SEMA4D: variants seen among roughly 807,000 people sequenced by gnomAD.
SEMA4D encodes the protein semaphorin-4D.
In SEMA4D, 22 loss-of-function variants were observed where a neutral mutation model predicts 74.8. The observed-to-expected ratio is 0.29, with a 90% CI of 0.21 to 0.42. The LOEUF (loss-of-function observed/expected upper bound fraction) is 0.42. SEMA4D is among the 10% of genes least tolerant of loss of function. The pLI, the probability that SEMA4D is intolerant of heterozygous loss-of-function variation, is 1.00. For missense variants in SEMA4D, 937 were observed against 1,118.4 expected, an observed-to-expected ratio of 0.84 and a Z score of 2.31; for synonymous variants, 445 against 463.7, an observed-to-expected ratio of 0.96 and a Z score of 0.52.
chr9:89,373,491 T>G (rs907022459), downstream of SEMA4D, among the ~76,000 whole-genome samples: 2 of 152,100 alleles, frequency 1.3e-5, no homozygotes, highest in Non-Finnish European at 2.9e-5. Flanking sequence ...CAGCCCTCTC[T>G]GGGGGGTGAG....
At chr9:89,368,501 C>G (rs1212533212) in intron 16 of SEMA4D, 1 of 152,804 alleles carries the variant, frequency 6.5e-6, no homozygotes, top group African/African-American at 2.4e-5. Flanking sequence ...GGGGACCCTT[C>G]TGGGGACAAG....
chr9:89,383,870 C>T (rs969550430), intron 13 of SEMA4D, among the ~76,000 whole-genome samples: 1 of 152,204 alleles, frequency 6.6e-6, no homozygotes, highest in African/African-American at 2.4e-5. Context: ...CCCCTCGACG[C>T]CCCCTGTCTC....
At position 89,388,987 on chromosome 9, in the gene SEMA4D, G is replaced by A. The variant is rs1489774202; in HGVS notation, c.835C>T (p.Leu279Phe). The A allele has an allele frequency of 2.5e-6, 4 of 1,614,140 alleles. No individual in the cohort carries two copies. The highest frequency in any genetic ancestry group is 4.5e-5 in the East Asian group (2 of 44,880). ...KKWTSFLKAR[L>F]ICSRPDSGLV... ...CCGCTGTCTGGCCGGGAGCAGATGA[G>A]TCGGGCTTTCAGGAAGGAGGTCCAT... The change falls in exon 10 of 16, where the codon CTC (leucine) becomes TTC (phenylalanine). Residue 279 changes from leucine (L) to phenylalanine (F), a missense_variant. Coordinates refer to ENST00000422704, the MANE Select transcript of SEMA4D (RefSeq NM_001371194.2).
chr9:89,383,866 G>C (rs535537180), intron 13 of SEMA4D, among the ~76,000 whole-genome samples: 42 of 152,268 alleles, frequency 2.8e-4, no homozygotes, highest in African/African-American at 1.0e-3. Context: ...CCTGCCCCTC[G>C]ACGCCCCCTG....
In SEMA4D at chr9:89,492,461, G is replaced by C. The variant is rs138468525; in HGVS notation, c.-310+5458C>G. Among the ~76,000 whole-genome samples the C allele has an allele frequency of 8.0e-3, 1,219 of 152,066 alleles. 12 individuals are homozygous for C. The highest frequency in any genetic ancestry group is 0.034 in the Middle Eastern group (10 of 294). ...TAGCTACAATATATTGCCAAGATTA[G>C]GGTCCCAGCTCAGAGCACTCCCCCA... On this transcript the variant is annotated intron_variant, in intron 1 of 15. Transcript: ENST00000422704. The surrounding 1 kb of genome is among the most constrained non-coding windows in gnomAD (Gnocchi z 4.3).
At chr9:89,466,070 G>C (rs898834470) in intron 1 of SEMA4D, among the ~76,000 whole-genome samples, 2 of 152,126 alleles carry the variant, frequency 1.3e-5, no homozygotes, top group South Asian at 4.1e-4. Context: ...GTGAGAAGCC[G>C]AGGTGTCCAA....
chr9:89,371,540 GTGTGTTTGGGGT>G (rs1834805109), intron 16 of SEMA4D, among the ~76,000 whole-genome samples: 1 of 19,988 alleles, frequency 5.0e-5, no homozygotes. Context: ...GTGTGTGGGG[GTGTGTTTGGGGT>G]GTGGTGTGTG....
At chr9:89,439,409 T>C (rs2135040715) in intron 2 of SEMA4D, among the ~76,000 whole-genome samples, 1 of 152,344 alleles carries the variant, frequency 6.6e-6, no homozygotes, top group Non-Finnish European at 1.5e-5. Flanking sequence ...CTCTAAGATC[T>C]AGTGGCTGAG....
At chr9:89,389,769 T>A (rs1839397349) in intron 9 of SEMA4D, among the ~76,000 whole-genome samples, 1 of 152,236 alleles carries the variant, frequency 6.6e-6, no homozygotes, top group Non-Finnish European at 1.5e-5. Context: ...TCCCCCTTCA[T>A]CTCTGCTGTG....
intron 1 of SEMA4D, among the ~76,000 whole-genome samples, chr9:89,490,180 T>A (rs976548044): frequency 3.3e-5 from 5 of 152,224 alleles, no homozygotes; most frequent in African/African-American, 9.6e-5. Flanking sequence ...CATTTACCCA[T>A]GTTTTAACTG....
chr9:89,390,032 T>C (rs1839470332), intron 9 of SEMA4D, among the ~76,000 whole-genome samples: 1 of 152,132 alleles, frequency 6.6e-6, no homozygotes, highest in Non-Finnish European at 1.5e-5. Flanking sequence ...ATGACAGCAG[T>C]GTGCCTAAGA....
At chr9:89,495,844 C>G (rs917264955) in intron 1 of SEMA4D, among the ~76,000 whole-genome samples, 3 of 144,960 alleles carry the variant, frequency 2.1e-5, no homozygotes, top group African/African-American at 7.6e-5. Context: ...GAGGCAGAAG[C>G]CTGAACAGCC....
At chr9:89,478,546 G>A (rs193040673) in intron 1 of SEMA4D, among the ~76,000 whole-genome samples, 4 of 152,286 alleles carry the variant, frequency 2.6e-5, no homozygotes, top group African/African-American at 9.6e-5. Context: ...GCAGCTACCA[G>A]ACATTCATCC....
At chr9:89,366,036 G>A (rs76420571) in intron 16 of SEMA4D, among the ~76,000 whole-genome samples, 2,340 of 152,294 alleles carry the variant, frequency 0.015, 34 homozygotes, top group Middle Eastern at 0.031. Flanking sequence ...AATGAGTCCC[G>A]AGGCAAGGAT....
At chr9:89,473,358 T>G (rs1449753522) in intron 1 of SEMA4D, among the ~76,000 whole-genome samples, 1 of 151,940 alleles carries the variant, frequency 6.6e-6, no homozygotes, top group African/African-American at 2.4e-5. Flanking sequence ...GACGACTCCT[T>G]GAGTCTCAGA....
At chr9:89,455,841 A>C (rs1163323948) in intron 2 of SEMA4D, 47 bp downstream of exon 2, 1 of 152,280 alleles carries the variant, frequency 6.6e-6, no homozygotes, top group East Asian at 1.9e-4. Flanking sequence ...AGCCAGTTCC[A>C]AAAGGAACCA....
At chr9:89,416,453 G>C (rs921342237) in intron 2 of SEMA4D, among the ~76,000 whole-genome samples, 4 of 152,200 alleles carry the variant, frequency 2.6e-5, no homozygotes, top group African/African-American at 7.2e-5. Context: ...GACATGTGTA[G>C]AGCAACAACA....
In SEMA4D at chr9:89,387,376, C is replaced by T. The variant is rs747899965; in HGVS notation, c.1330+10G>A. On this transcript the variant is annotated intron_variant, in intron 12 of 15. Coordinates refer to ENST00000422704, the MANE Select transcript of SEMA4D (RefSeq NM_001371194.2). Reference sequence around the variant, plus strand: ...GTCACTGTCAAGCCTGCCAAGCCCTCGGAACCCACCTGTGCTGACAAACAT... The same window carrying T: ...GTCACTGTCAAGCCTGCCAAGCCCTTGGAACCCACCTGTGCTGACAAACAT... 1.9e-5 allele frequency: 31 copies of T among 1,599,050 alleles called. No individual in the cohort carries two copies. Among genetic ancestry groups the T allele is most frequent in the Admixed American group, 5.0e-5 (3 of 59,422 alleles).
chr9:89,430,145 T>C (rs1848948840), intron 2 of SEMA4D, among the ~76,000 whole-genome samples: 1 of 152,022 alleles, frequency 6.6e-6, no homozygotes, highest in Non-Finnish European at 1.5e-5. Context: ...TGGAAATATT[T>C]CACACAGGGA....
Sources: gnomAD v4.1 joint callset for allele counts (sites outside exome capture counted in the v4.1 genomes callset) on GRCh38, gnomAD v4.1.1 for gene constraint, Gnocchi (gnomAD v3.1) non-coding constraint, MANE v1.5 for transcripts, NCBI Gene and HGNC (gene_info 2026-07-23, HGNC 2026-07-21) for gene names.